The following KPNA4 variants were observed in gnomAD, a reference collection of about 807,000 sequenced individuals.
KPNA4 encodes importin subunit alpha-3.
In KPNA4, 13 loss-of-function variants were observed where a neutral mutation model predicts 71.3. The ratio of observed to expected loss-of-function variants is 0.18; its 90% CI spans 0.12 to 0.29. The LOEUF is 0.29. KPNA4 is among the 10% of genes least tolerant of loss of function. The probability of loss-of-function intolerance (pLI) is 1.00; values close to 1 mark genes in which losing one functional copy is unlikely to be tolerated. For missense variants in KPNA4, 334 were observed against 603.2 expected (o/e 0.55, Z 4.67); for synonymous variants, 189 against 195.2 (o/e 0.97, Z 0.26).
rs1162877830 is a variant in KPNA4 at position 160,498,993 on chromosome 3, C to T, written c.*3111G>A. 1.3e-5 allele frequency: 2 copies of T among 152,154 alleles called. No individual in the cohort carries two copies. Among genetic ancestry groups the T allele is most frequent in the African/African-American group, 4.8e-5 (2 of 41,448 alleles). The allele number at this position is 152,154 out of a possible 1,614,324, so 9.4% of individuals were successfully genotyped here. On this transcript the variant is annotated 3_prime_UTR_variant, in exon 17 of 17. Transcript: ENST00000334256. The stretch of plus-strand genomic sequence containing the variant: ...CCAAAAAGGGTGCCCCCATAAATTA[C>T]TGTTACAATAAACCCAGTCATTTTA...
intron 11 of KPNA4, among the ~76,000 whole-genome samples, chr3:160,519,801 C>CAAAAAAAAAA (rs558355699): frequency 3.2e-4 from 27 of 83,692 alleles, no homozygotes; most frequent in African/African-American, 1.2e-3. Flanking sequence ...GACTCCGTCT[C>CAAAAAAAAAA]AAAAAAAAAA....
chr3:160,563,463 T>C (rs1722283578), intron 1 of KPNA4, among the ~76,000 whole-genome samples: 1 of 152,276 alleles, frequency 6.6e-6, no homozygotes, highest in East Asian at 1.9e-4. Flanking sequence ...TGGTGATGGT[T>C]GCAAAACTGC....
intron 13 of KPNA4, among the ~76,000 whole-genome samples, chr3:160,511,167 GCAATCTTGGCTCACTGCA>G (rs1721085158): frequency 6.6e-6 from 1 of 151,436 alleles, no homozygotes; most frequent in Non-Finnish European, 1.5e-5. Context: ...GTGCAGTGGC[GCAATCTTGGCTCACTGCA>G]AGCTCTGCCT....
intron 1 of KPNA4, among the ~76,000 whole-genome samples, chr3:160,554,290 A>C (rs1302224842): frequency 6.6e-6 from 1 of 152,238 alleles, no homozygotes; most frequent in Non-Finnish European, 1.5e-5. Context: ...AAAGTTGTGC[A>C]TTGAACACCA....
chr3:160,562,222 C>T (rs1411415602), intron 1 of KPNA4, among the ~76,000 whole-genome samples: 2 of 152,202 alleles, frequency 1.3e-5, no homozygotes, highest in Admixed American at 6.5e-5. Context: ...ATGCCATAAC[C>T]GTAAAATACA....
intron 1 of KPNA4, among the ~76,000 whole-genome samples, chr3:160,556,486 T>C (rs1231730663): frequency 6.6e-5 from 10 of 152,232 alleles, no homozygotes; most frequent in Non-Finnish European, 1.3e-4. Context: ...TCCTATTTTT[T>C]ATTTGTTTAT....
intron 1 of KPNA4, among the ~76,000 whole-genome samples, chr3:160,551,477 G>A (rs570735265): frequency 1.6e-4 from 24 of 152,060 alleles, no homozygotes; most frequent in Non-Finnish European, 3.2e-4. Flanking sequence ...AATAAGAAAC[G>A]GCAAGGTAAA....
chr3:160,541,661 A>G (rs1247864687), intron 1 of KPNA4, among the ~76,000 whole-genome samples: 9 of 151,642 alleles, frequency 5.9e-5, no homozygotes, highest in Non-Finnish European at 8.8e-5. Flanking sequence ...ACACACACAC[A>G]CACACACACA....
rs1312898482 is a variant in KPNA4, at chr3:160,497,824, C to A, written c.*4280G>T. On this transcript the variant is annotated 3_prime_UTR_variant, in exon 17 of 17. Transcript: ENST00000334256. ...TAATCCACCAAACCCGAGGAGTTAA[C>A]AATTAAAGTTGGCCTATTTATAGTT... The A allele has an allele frequency of 3.3e-5, 5 of 152,136 alleles. No homozygotes were observed. Among genetic ancestry groups the A allele is most frequent in the Admixed American group, 2.0e-4 (3 of 15,264 alleles). The allele number at this position is 152,136 out of a possible 1,614,324, so 9.4% of individuals were successfully genotyped here.
At position 160,500,327 on chromosome 3, in the gene KPNA4, A is replaced by T. The variant is rs540506046; in HGVS notation, c.*1777T>A. The T allele has an allele frequency of 7.2e-5, 11 of 152,732 alleles. No homozygotes were observed. The East Asian group carries it at 2.1e-3, about 29-fold the overall frequency. The allele number at this position is 152,732 out of a possible 1,614,324, so 9.5% of individuals were successfully genotyped here. ...GCTGCAAAAATACTCTAGTTCAACA[A>T]AGAGTTATGATCACAAAATAATTTT... On this transcript the variant is annotated 3_prime_UTR_variant, in exon 17 of 17. Transcript: ENST00000334256.
At chr3:160,516,505 T>A (rs1721226327) in intron 11 of KPNA4, among the ~76,000 whole-genome samples, 1 of 151,054 alleles carries the variant, frequency 6.6e-6, no homozygotes, top group Non-Finnish European at 1.5e-5. Context: ...AACAGCTAGG[T>A]GCAGTGGCTC....
rs551226190 is a variant in KPNA4 at position 160,502,064 on chromosome 3, A to C, written c.*40T>G. On this transcript the variant is annotated 3_prime_UTR_variant, in exon 17 of 17. Coordinates refer to ENST00000334256, the MANE Select transcript of KPNA4 (RefSeq NM_002268.5). ...TACACACACACATATATATATATATATCTCAGTGCTGCATTGTACCTAACT... is the reference window on the plus strand; with the variant it reads ...TACACACACACATATATATATATATCTCTCAGTGCTGCATTGTACCTAACT... The C allele has an allele frequency of 4.8e-5, 37 of 767,260 alleles. No homozygotes were observed. The highest frequency in any genetic ancestry group is 6.8e-5 in the Non-Finnish European group (31 of 457,442). The allele number at this position is 767,260 out of a possible 1,614,324, so 47.5% of individuals were successfully genotyped here. A position where few individuals can be genotyped will look rare whatever the true frequency, so the allele number is the denominator to read the frequency against.
intron 1 of KPNA4, among the ~76,000 whole-genome samples, chr3:160,548,056 C>T (rs765923709): frequency 6.6e-6 from 1 of 152,154 alleles, no homozygotes; most frequent in Non-Finnish European, 1.5e-5. Flanking sequence ...ATTACCAAGG[C>T]GTGCTATTGT....
chr3:160,530,711 C>A, intron 7 of KPNA4, 144 bp downstream of exon 7: 4 of 563,870 alleles, frequency 7.1e-6, no homozygotes, highest in East Asian at 3.2e-5. Context: ...ATTAAAGTAA[C>A]ATACTTAAGT....
intron 1 of KPNA4, among the ~76,000 whole-genome samples, chr3:160,540,449 T>C (rs941134924): frequency 6.6e-6 from 1 of 152,174 alleles, no homozygotes; most frequent in Non-Finnish European, 1.5e-5. Flanking sequence ...TCACAGAAAC[T>C]TTGCAAAATA....
At chr3:160,540,483 A>G (rs950016161) in intron 1 of KPNA4, among the ~76,000 whole-genome samples, 2 of 152,208 alleles carry the variant, frequency 1.3e-5, no homozygotes, top group African/African-American at 4.8e-5. Flanking sequence ...TCCCTTCATT[A>G]TAGAGCAAGG....
intron 1 of KPNA4, among the ~76,000 whole-genome samples, chr3:160,538,628 C>T (rs896076313): frequency 2.0e-5 from 3 of 152,186 alleles, no homozygotes; most frequent in African/African-American, 4.8e-5. Flanking sequence ...CGCTCCACTT[C>T]GGACTTAAAA....
rs558312413 is a variant in KPNA4, at chr3:160,531,941, C to A, written c.288-384G>T. Among the ~76,000 whole-genome samples, 93 of 152,032 alleles carry A rather than the reference C, an allele frequency of 6.1e-4. 1 individual carries two copies. Among genetic ancestry groups the A allele is most frequent in the African/African-American group, 2.1e-3 (87 of 41,484 alleles). ...CTGAGTAGCTGGGATTACAGGCGTG[C>A]GCCACCACACCCAGCTATTTTTGTA... On this transcript the variant is annotated intron_variant, in intron 5 of 16. Coordinates refer to ENST00000334256, the MANE Select transcript of KPNA4 (RefSeq NM_002268.5).
At position 160,515,479 on chromosome 3, in the gene KPNA4, C is replaced by A. The variant is rs1413351601; in HGVS notation, c.1005G>T (p.Leu335=). ...TATTAATTTTCTCTTTGGGATGTGTCAGGAGTGCTGGGAAGTGTGAAAGAG... is the reference window on the plus strand; with the variant it reads ...TATTAATTTTCTCTTTGGGATGTGTAAGGAGTGCTGGGAAGTGTGAAAGAG... ...CDALSHFPAL[L]THPKEKINKE... Residue 335 remains leucine (L), a synonymous_variant, in exon 12 of 17, where the codon CTG becomes CTT. Transcript: ENST00000334256. 1.9e-6 allele frequency: 3 copies of A among 1,613,622 alleles called. No individual in the cohort carries two copies. In the African/African-American group the frequency reaches 4.0e-5, roughly 22 times the overall value.
Sources: allele counts gnomAD v4.1 joint callset (sites outside exome capture counted in the v4.1 genomes callset), GRCh38; gene constraint gnomAD v4.1.1; transcripts MANE v1.5; gene names NCBI Gene and HGNC (gene_info 2026-07-23, HGNC 2026-07-21).